Variants in ZNF560 observed in about 807,000 individuals in gnomAD.
The protein encoded by ZNF560 is zinc finger protein 560.
A neutral mutation model predicts 81.8 loss-of-function variants in ZNF560; 54 were observed. That is an observed-to-expected ratio of 0.66 (90% confidence interval 0.53 to 0.83). ZNF560 has a LOEUF of 0.83. ZNF560 is among the 40% of genes least tolerant of loss of function. ZNF560 has a pLI of 0.00. For missense variants in ZNF560, 940 were observed against 932.4 expected, an observed-to-expected ratio of 1.01 and a Z score of -0.11; for synonymous variants, 321 against 317.9, an observed-to-expected ratio of 1.01 and a Z score of -0.10.
At chr19:9,478,715 T>C (rs2144702923) in intron 2 of ZNF560, among the ~76,000 whole-genome samples, 1 of 152,298 alleles carries the variant, frequency 6.6e-6, no homozygotes, top group East Asian at 1.9e-4. Context: ...TATCCTGCTA[T>C]AAGATGTTTC....
chr19:9,482,318 A>G (rs1009918987), intron 2 of ZNF560, among the ~76,000 whole-genome samples: 16 of 152,018 alleles, frequency 1.1e-4, no homozygotes, highest in African/African-American at 3.6e-4. Flanking sequence ...AGAAATACCT[A>G]ATGTAAATGG....
At chr19:9,452,656 A>C in the ZNF560 span, among the ~76,000 whole-genome samples, 1 of 152,200 alleles carries the variant, frequency 6.6e-6, no homozygotes. Context: ...AGGAACAGAA[A>C]CCTAAATACT....
At chr19:9,483,790 G>T (rs954334907) in intron 2 of ZNF560, among the ~76,000 whole-genome samples, 1 of 152,214 alleles carries the variant, frequency 6.6e-6, no homozygotes, top group Non-Finnish European at 1.5e-5. Context: ...CATCTGGGAG[G>T]TGTACCCAAC....
intron 2 of ZNF560, among the ~76,000 whole-genome samples, chr19:9,484,800 GTAAA>G (rs1288614489): frequency 7.2e-6 from 1 of 138,902 alleles, no homozygotes. Context: ...AAGTAAATAA[GTAAA>G]TAAATAAATA....
upstream of ZNF560, among the ~76,000 whole-genome samples, chr19:9,501,643 G>A (rs936151896): frequency 2.0e-5 from 3 of 151,580 alleles, no homozygotes; most frequent in African/African-American, 7.3e-5. Context: ...TTACAGGCAT[G>A]AGCCACCACA....
chr19:9,496,273 T>C (rs12980181), intron 2 of ZNF560, among the ~76,000 whole-genome samples: 49,078 of 151,692 alleles, frequency 0.32, 10,165 homozygotes, highest in Non-Finnish European at 0.46. Context: ...TTGAGCCCAG[T>C]AGTTCAAGGC....
the ZNF560 span, among the ~76,000 whole-genome samples, chr19:9,459,438 G>T: frequency 6.6e-6 from 1 of 152,168 alleles, no homozygotes; most frequent in Non-Finnish European, 1.5e-5. Flanking sequence ...CTAAAGGACT[G>T]AATCAACAGC....
intron 2 of ZNF560, among the ~76,000 whole-genome samples, chr19:9,489,136 G>A (rs1751891923): frequency 6.6e-6 from 1 of 152,222 alleles, no homozygotes; most frequent in Admixed American, 6.5e-5. Context: ...CTTTAATGTT[G>A]AAAATGCAAA....
intron 2 of ZNF560, among the ~76,000 whole-genome samples, chr19:9,481,641 G>T (rs762335233): frequency 0.1 from 15,529 of 152,194 alleles, 943 homozygotes; most frequent in South Asian, 0.2. Flanking sequence ...TTCAAAAGAA[G>T]ATATGTATGC....
intron 7 of ZNF560, 107 bp from the exon 8 acceptor site, chr19:9,469,817 A>G: frequency 3.6e-6 from 3 of 838,348 alleles, no homozygotes; most frequent in Non-Finnish European, 6.1e-6. Flanking sequence ...AAAAGCACTT[A>G]AATTGCATAT....
At chr19:9,480,466 AAC>A (rs149197611) in intron 2 of ZNF560, among the ~76,000 whole-genome samples, 2,076 of 152,274 alleles carry the variant, frequency 0.014, 55 homozygotes, top group African/African-American at 0.047. Flanking sequence ...TAAACACCCT[AAC>A]ACTGCACCTT....
chr19:9,485,486 G>A lies in ZNF560; in HGVS notation c.-56-10117C>T, dbSNP rs188907911. Reference sequence around the variant, plus strand: ...CACACCACTGCACTCCAGCCTGGACGACAGAGCAAGACTACATCTCAAGAA... The same window carrying A: ...CACACCACTGCACTCCAGCCTGGACAACAGAGCAAGACTACATCTCAAGAA... On this transcript the variant is annotated intron_variant, in intron 2 of 9. Coordinates refer to ENST00000301480, the MANE Select transcript of ZNF560 (RefSeq NM_152476.3). 2.6e-3 allele frequency among the ~76,000 whole-genome samples: 373 copies of A among 144,378 alleles called. 2 individuals carry two copies. Among genetic ancestry groups the A allele is most frequent in the African/African-American group, 9.4e-3 (362 of 38,706 alleles). The allele number at this position is 144,378 out of a possible 152,430, so 94.7% of individuals were successfully genotyped here. A position where few individuals can be genotyped will look rare whatever the true frequency, so the allele number is the denominator to read the frequency against.
the ZNF560 span, among the ~76,000 whole-genome samples, chr19:9,454,426 C>A: frequency 1.3e-5 from 2 of 152,122 alleles, no homozygotes; most frequent in African/African-American, 4.8e-5. Context: ...GAACCCGGGT[C>A]GAAGGGTCGC....
Position 9,467,026 on chromosome 19 carries a change from A to T in ZNF560, c.1921T>A (p.Ser641Thr), listed in dbSNP as rs1234353275. 1 of 1,614,054 alleles carries T rather than the reference A, an allele frequency of 6.2e-7. No homozygotes were observed. Among genetic ancestry groups the T allele is most frequent in the East Asian group, 2.2e-5 (1 of 44,880 alleles). The change falls in exon 10 of 10, where the codon TCC becomes ACC. Residue 641 changes from serine (S) to threonine (T), a missense_variant. Coordinates refer to ENST00000301480, the MANE Select transcript of ZNF560 (RefSeq NM_152476.3). ...KDCGKAFVVS[S>T]SLVDHLRTHT... Reference sequence around the variant, plus strand: ...GTTCTTAAATGATCAACTAGACTGGAGGAGACAACAAAGGCTTTCCCACAG... The same window carrying T: ...GTTCTTAAATGATCAACTAGACTGGTGGAGACAACAAAGGCTTTCCCACAG...
intron 2 of ZNF560, among the ~76,000 whole-genome samples, chr19:9,480,754 A>G (rs187386082): frequency 5.3e-4 from 81 of 151,996 alleles, no homozygotes; most frequent in African/African-American, 1.8e-3. Context: ...AGCCTGAGCA[A>G]CATAGCAAGG....
intron 6 of ZNF560, among the ~76,000 whole-genome samples, 194 bp from the exon 7 acceptor site, chr19:9,470,712 T>C (rs1458094201): frequency 2.0e-5 from 3 of 152,234 alleles, no homozygotes; most frequent in African/African-American, 7.2e-5. Flanking sequence ...AACATGGCTG[T>C]AACAGAACCT....
downstream of ZNF560, among the ~76,000 whole-genome samples, chr19:9,465,853 G>C (rs1359274063): frequency 6.6e-6 from 1 of 152,116 alleles, no homozygotes; most frequent in African/African-American, 2.4e-5. Flanking sequence ...AATCAGCCAG[G>C]TGCAGTGGTG....
the ZNF560 span, among the ~76,000 whole-genome samples, chr19:9,460,711 G>A: frequency 1.3e-5 from 2 of 152,208 alleles, no homozygotes; most frequent in Admixed American, 1.3e-4. Context: ...TCTGGTGTCA[G>A]TATTTACCAT....
intron 2 of ZNF560, among the ~76,000 whole-genome samples, chr19:9,477,105 T>C (rs540133610): frequency 3.9e-5 from 6 of 152,130 alleles, no homozygotes; most frequent in Non-Finnish European, 8.8e-5. Flanking sequence ...CCACTAGAAA[T>C]AGTATATGTT....
Sources: gnomAD v4.1 joint callset for allele counts (sites outside exome capture counted in the v4.1 genomes callset) on GRCh38, gnomAD v4.1.1 for gene constraint, MANE v1.5 for transcripts, NCBI Gene and HGNC (gene_info 2026-07-23, HGNC 2026-07-21) for gene names.